Variants in PRORP observed in about 807,000 individuals in gnomAD.
PRORP encodes mitochondrial ribonuclease P catalytic subunit.
Under a neutral mutation model 59.4 loss-of-function variants are expected in PRORP, and 51 were observed. That is an observed-to-expected ratio of 0.86 (90% confidence interval 0.69 to 1.08). The LOEUF (loss-of-function observed/expected upper bound fraction) is 1.08, where lower values mean the gene tolerates loss of function less well. PRORP is among the 50% of genes least tolerant of loss of function. PRORP has a pLI of 0.00. For synonymous variants in PRORP, 231 were observed against 245.6 expected, an observed-to-expected ratio of 0.94 and a Z score of 0.55; for missense variants, 646 against 690.3, an observed-to-expected ratio of 0.94 and a Z score of 0.72.
At chr14:35,122,003 C>T, upstream of PRORP, 1 of 1,608,832 alleles carries the variant, frequency 6.2e-7, no homozygotes, top group Non-Finnish European at 8.5e-7. Context: ...TGTTTCCTAC[C>T]TGCTCCACCC....
intron 5 of PRORP, among the ~76,000 whole-genome samples, chr14:35,256,742 T>C (rs1349515195): frequency 6.6e-6 from 1 of 152,122 alleles, no homozygotes; most frequent in African/African-American, 2.4e-5. Flanking sequence ...AGGAAGTGAA[T>C]TGGTATATAG....
intron 5 of PRORP, among the ~76,000 whole-genome samples, chr14:35,248,758 TAC>T (rs1360672382): frequency 1.3e-5 from 2 of 152,178 alleles, no homozygotes; most frequent in African/African-American, 4.8e-5. Flanking sequence ...ACTTGAGAAA[TAC>T]AGTGTCACTC....
At chr14:35,160,835 A>C (rs2048040706) in intron 4 of PRORP, among the ~76,000 whole-genome samples, 1 of 152,254 alleles carries the variant, frequency 6.6e-6, no homozygotes. Context: ...TTAAGGATGC[A>C]CTACAGGCAA....
Position 35,201,911 on chromosome 14 carries a change from G to C in PRORP, c.1275+21134G>C, listed in dbSNP as rs144553549. Among the ~76,000 whole-genome samples, 389 of 151,424 alleles carry C rather than the reference G, an allele frequency of 2.6e-3. 3 individuals are homozygous for C. Among genetic ancestry groups the C allele is most frequent in the African/African-American group, 8.1e-3 (334 of 41,286 alleles). ...GACCTCAGATGATCTGCCCACTTGGGCCTCCCAAGGTGCTGGGATTACAGG... is the reference window on the plus strand; with the variant it reads ...GACCTCAGATGATCTGCCCACTTGGCCCTCCCAAGGTGCTGGGATTACAGG... On this transcript the variant is annotated intron_variant, in intron 5 of 7. Transcript: ENST00000534898.
chr14:35,245,319 C>T lies in PRORP; in HGVS notation c.1276-21408C>T, dbSNP rs2050456700. Among the ~76,000 whole-genome samples, 3 of 152,182 alleles carry T rather than the reference C, an allele frequency of 2.0e-5. No homozygotes were observed. The South Asian group carries it at 6.2e-4, about 31-fold the overall frequency. On this transcript the variant is annotated intron_variant, in intron 5 of 7. Transcript: ENST00000534898. ...GACTACAGTTAAAACAAGCCAAATA[C>T]AGGCTCACTCAGGCATTCTGTGCTC...
chr14:35,197,240 A>G (rs562086910), intron 5 of PRORP, among the ~76,000 whole-genome samples: 3 of 152,254 alleles, frequency 2.0e-5, no homozygotes, highest in South Asian at 2.1e-4. Context: ...ATTATTGTGT[A>G]TATCTTGCTT....
At chr14:35,208,474 T>C (rs911732795) in intron 5 of PRORP, among the ~76,000 whole-genome samples, 2 of 152,228 alleles carry the variant, frequency 1.3e-5, no homozygotes, top group African/African-American at 4.8e-5. Context: ...TTTTAAATGT[T>C]CTAGTAGCCA....
intron 4 of PRORP, among the ~76,000 whole-genome samples, chr14:35,130,545 G>A (rs1243939016): frequency 1.3e-5 from 2 of 150,342 alleles, no homozygotes; most frequent in Admixed American, 6.6e-5. Flanking sequence ...GGAGTGGCAC[G>A]ATCTCAGCTC....
chr14:35,220,354 TATA>T (rs2049739647), intron 5 of PRORP, among the ~76,000 whole-genome samples: 1 of 152,162 alleles, frequency 6.6e-6, no homozygotes. Flanking sequence ...TCTATTCTGG[TATA>T]ATATTTGAGA....
intron 5 of PRORP, among the ~76,000 whole-genome samples, chr14:35,194,294 C>T (rs1190229486): frequency 6.6e-6 from 1 of 152,152 alleles, no homozygotes; most frequent in Non-Finnish European, 1.5e-5. Flanking sequence ...AAATGCTCAT[C>T]AGTGATAGAC....
chr14:35,161,431 G>A (rs2048057619), intron 4 of PRORP, among the ~76,000 whole-genome samples: 1 of 152,178 alleles, frequency 6.6e-6, no homozygotes. Flanking sequence ...TGGCACTTTA[G>A]AGCAGATTCT....
intron 5 of PRORP, among the ~76,000 whole-genome samples, chr14:35,182,027 G>T (rs2048623868): frequency 6.6e-6 from 1 of 152,034 alleles, no homozygotes; most frequent in African/African-American, 2.4e-5. Flanking sequence ...ACTTTGGGAG[G>T]CTGAGGCGGG....
In PRORP at chr14:35,123,917, C is replaced by G; in HGVS notation, c.672C>G (p.Asp224Glu). ...SLLIRGLIHS[D>E]RWREALLLLE... ...TCATCCGGGGATTGATCCATTCAGA[C>G]AGATGGAGAGAAGCATTGTTGCTGT... Residue 224 changes from aspartate (D) to glutamate (E), a missense_variant, in exon 2 of 8, where the codon GAC (aspartate) becomes GAG (glutamate). Physicochemically the swap from Asp to Glu is conservative, Grantham distance 45. Coordinates refer to ENST00000534898, the MANE Select transcript of PRORP (RefSeq NM_014672.4). The G allele has an allele frequency of 6.2e-7, 1 of 1,614,046 alleles. No homozygotes were observed. The highest frequency in any genetic ancestry group is 8.5e-7 in the Non-Finnish European group (1 of 1,179,932).
chr14:35,154,470 CT>C (rs2047860783), intron 4 of PRORP, among the ~76,000 whole-genome samples: 2 of 152,034 alleles, frequency 1.3e-5, no homozygotes, highest in Admixed American at 1.3e-4. Flanking sequence ...GCTCGTGGTT[CT>C]TCAAGATTTT....
chr14:35,170,736 A>T (rs2048294485), intron 4 of PRORP, among the ~76,000 whole-genome samples: 1 of 152,090 alleles, frequency 6.6e-6, no homozygotes, highest in South Asian at 2.1e-4. Flanking sequence ...CCACATCTTT[A>T]CCATTTTATT....
intron 4 of PRORP, among the ~76,000 whole-genome samples, chr14:35,138,284 C>T (rs888796922): frequency 2.1e-5 from 3 of 146,000 alleles, no homozygotes; most frequent in Non-Finnish European, 4.6e-5. Flanking sequence ...TCTCCAAATA[C>T]AGTCACATTC....
intron 4 of PRORP, among the ~76,000 whole-genome samples, chr14:35,153,014 C>A (rs879091748): frequency 1.3e-5 from 2 of 152,238 alleles, no homozygotes; most frequent in Admixed American, 6.5e-5. Flanking sequence ...GCTGTAATCT[C>A]GGCACTTTGG....
intron 5 of PRORP, among the ~76,000 whole-genome samples, chr14:35,257,144 G>A (rs551405992): frequency 6.6e-6 from 1 of 152,198 alleles, no homozygotes; most frequent in South Asian, 2.1e-4. Flanking sequence ...CAAAGTGCTG[G>A]CATTACAGGC....
chr14:35,162,599 C>T (rs1440732190), intron 4 of PRORP, among the ~76,000 whole-genome samples: 1 of 81,266 alleles, frequency 1.2e-5, no homozygotes, highest in Non-Finnish European at 2.5e-5. Flanking sequence ...ATTTAAATTA[C>T]AATTTTTGAG....
Sources: allele counts gnomAD v4.1 joint callset (sites outside exome capture counted in the v4.1 genomes callset), GRCh38; gene constraint gnomAD v4.1.1; transcripts MANE v1.5; gene names NCBI Gene and HGNC (gene_info 2026-07-23, HGNC 2026-07-21).